GRM8: variants seen among roughly 807,000 people sequenced by gnomAD.
GRM8 encodes glutamate metabotropic receptor 8.
In GRM8, 47 loss-of-function variants were observed where a neutral mutation model predicts 87.2. The observed-to-expected ratio is 0.54, with a 90% CI of 0.43 to 0.69. The LOEUF is 0.69. Among genes scored for constraint, GRM8 ranks in the 30% least tolerant of loss-of-function variants. The probability of loss-of-function intolerance (pLI) is 0.00; values close to 1 mark genes in which losing one functional copy is unlikely to be tolerated. For synonymous variants in GRM8, 396 were observed against 404.5 expected, an observed-to-expected ratio of 0.98 and a Z score of 0.25; for missense variants, 1,019 against 1,139.2, an observed-to-expected ratio of 0.89 and a Z score of 1.52.
At chr7:126,659,041 G>A (rs1450148713) in intron 7 of GRM8, among the ~76,000 whole-genome samples, 1 of 100,368 alleles carries the variant, frequency 1.0e-5, no homozygotes, top group African/African-American at 4.1e-5. Flanking sequence ...CCCGCCCCCC[G>A]CCCCGCCCCC....
chr7:126,918,378 A>G (rs1190120235), intron 3 of GRM8, among the ~76,000 whole-genome samples: 6 of 152,228 alleles, frequency 3.9e-5, no homozygotes, highest in Non-Finnish European at 8.8e-5. Context: ...GTCATTAAAT[A>G]TGATGTAATA....
intron 9 of GRM8, among the ~76,000 whole-genome samples, chr7:126,520,036 C>A (rs1248334728): frequency 6.6e-6 from 1 of 150,886 alleles, no homozygotes; most frequent in Non-Finnish European, 1.5e-5. Flanking sequence ...AGACACTGAG[C>A]ATAACAGAGA....
intron 7 of GRM8, among the ~76,000 whole-genome samples, chr7:126,702,938 G>A (rs189367384): frequency 3.9e-4 from 60 of 152,152 alleles, no homozygotes; most frequent in South Asian, 3.7e-3. Flanking sequence ...AATAGCAAGC[G>A]TACAGGGTCA....
chr7:126,772,223 G>A (rs1818923346), intron 6 of GRM8, among the ~76,000 whole-genome samples: 1 of 152,098 alleles, frequency 6.6e-6, no homozygotes, highest in African/African-American at 2.4e-5. Context: ...AAAACCTGAA[G>A]AGCCCCCGGA....
chr7:127,000,346 T>C (rs944742369), intron 3 of GRM8, among the ~76,000 whole-genome samples: 3 of 151,622 alleles, frequency 2.0e-5, no homozygotes, highest in South Asian at 2.1e-4. Context: ...CACAAAAGGG[T>C]GACTATAGTC....
chr7:126,859,223 G>C (rs554355710), intron 6 of GRM8, among the ~76,000 whole-genome samples: 1 of 151,818 alleles, frequency 6.6e-6, no homozygotes, highest in South Asian at 2.1e-4. Context: ...GGCACAGCTT[G>C]TGGCACACAG....
At chr7:126,985,504 T>C (rs1373464723) in intron 3 of GRM8, among the ~76,000 whole-genome samples, 1 of 152,220 alleles carries the variant, frequency 6.6e-6, no homozygotes. Context: ...CCACTTTCTG[T>C]TGCTTATAAC....
intron 7 of GRM8, among the ~76,000 whole-genome samples, chr7:126,697,710 A>T (rs1809530774): frequency 6.6e-6 from 1 of 152,110 alleles, no homozygotes; most frequent in Non-Finnish European, 1.5e-5. Context: ...TCTGCCTGTA[A>T]TCCCTTCTCT....
chr7:126,704,859 C>T (rs935257231), intron 7 of GRM8, among the ~76,000 whole-genome samples: 1 of 152,152 alleles, frequency 6.6e-6, no homozygotes, highest in African/African-American at 2.4e-5. Context: ...TTTAATTTCA[C>T]CCCGTCCTGT....
chr7:126,445,935 T>C (rs943943286), intron 10 of GRM8, 191 bp downstream of exon 10: 2 of 646,434 alleles, frequency 3.1e-6, no homozygotes, highest in Non-Finnish European at 2.7e-6. Context: ...TTGTACTCTG[T>C]AGAACAGCCG....
chr7:126,755,795 T>C (rs751874669), intron 7 of GRM8, among the ~76,000 whole-genome samples: 11 of 151,940 alleles, frequency 7.2e-5, no homozygotes, highest in Non-Finnish European at 1.3e-4. Context: ...GATTAGATTA[T>C]TTTCTGATGG....
chr7:126,542,068 G>A (rs1376487402), intron 8 of GRM8, among the ~76,000 whole-genome samples: 2 of 152,206 alleles, frequency 1.3e-5, no homozygotes, highest in Non-Finnish European at 2.9e-5. Flanking sequence ...AATGGCACAA[G>A]GAGAAAACCA....
intron 8 of GRM8, among the ~76,000 whole-genome samples, chr7:126,603,580 T>C (rs894706213): frequency 5.9e-5 from 9 of 152,056 alleles, no homozygotes; most frequent in African/African-American, 2.2e-4. Context: ...CAAGCATTCT[T>C]ATACACCAAC....
intron 3 of GRM8, among the ~76,000 whole-genome samples, chr7:127,026,691 G>GGGTTGTTTGA (rs1208168391): frequency 6.6e-6 from 1 of 151,206 alleles, no homozygotes; most frequent in Non-Finnish European, 1.5e-5. Flanking sequence ...CTTTTTGATG[G>GGGTTGTTTGA]TTTTTTCTTG....
chr7:127,067,435 C>T (rs1213350417), intron 3 of GRM8, among the ~76,000 whole-genome samples: 1 of 152,194 alleles, frequency 6.6e-6, no homozygotes, highest in African/African-American at 2.4e-5. Flanking sequence ...TCAAGAATTA[C>T]TCTTTATTTA....
chr7:126,977,689 G>A (rs1344069776), intron 3 of GRM8, among the ~76,000 whole-genome samples: 2 of 152,190 alleles, frequency 1.3e-5, no homozygotes, highest in Non-Finnish European at 2.9e-5. Flanking sequence ...TTCAAACGGT[G>A]TTAACTAGTG....
intron 3 of GRM8, among the ~76,000 whole-genome samples, chr7:126,927,874 C>T (rs528944350): frequency 6.4e-4 from 97 of 152,224 alleles, no homozygotes; most frequent in Non-Finnish European, 1.2e-3. Context: ...TGGGTATACA[C>T]CCAAAGGATT....
At chr7:126,984,355 C>T (rs560563080) in intron 3 of GRM8, among the ~76,000 whole-genome samples, 57 of 152,152 alleles carry the variant, frequency 3.7e-4, no homozygotes, top group African/African-American at 1.4e-3. Flanking sequence ...GAGGATGTTG[C>T]CAAAGGAGAT....
intron 3 of GRM8, among the ~76,000 whole-genome samples, chr7:127,008,254 T>C (rs1256219186): frequency 6.6e-6 from 1 of 152,070 alleles, no homozygotes; most frequent in Non-Finnish European, 1.5e-5. Flanking sequence ...CACTATCTTT[T>C]CAACATTAAC....
Sources: gnomAD v4.1 joint callset for allele counts (sites outside exome capture counted in the v4.1 genomes callset) on GRCh38, gnomAD v4.1.1 for gene constraint, MANE v1.5 for transcripts, NCBI Gene and HGNC (gene_info 2026-07-23, HGNC 2026-07-21) for gene names.